The following ABTB3 variants were observed in gnomAD, a reference collection of about 807,000 sequenced individuals.
The protein encoded by ABTB3 is ankyrin repeat and BTB domain containing 3.
the ABTB3 span, among the ~76,000 whole-genome samples, chr12:107,634,304 C>T: frequency 6.6e-6 from 1 of 152,170 alleles, no homozygotes; most frequent in Non-Finnish European, 1.5e-5. Context: ...AAAAGCAATG[C>T]TTGTTTCTTG....
At chr12:107,597,832 A>G in the ABTB3 span, among the ~76,000 whole-genome samples, 1 of 152,196 alleles carries the variant, frequency 6.6e-6, no homozygotes, top group Admixed American at 6.5e-5. Flanking sequence ...TTGCTTTGCA[A>G]TTCCTTGAAA....
At chr12:107,644,945 G>A in the ABTB3 span, among the ~76,000 whole-genome samples, 149 of 149,822 alleles carry the variant, frequency 9.9e-4, 2 homozygotes, top group African/African-American at 3.4e-3. Flanking sequence ...AGTATTCCAT[G>A]GCACATATGC....
chr12:107,648,249 C>G, the ABTB3 span, among the ~76,000 whole-genome samples: 1 of 151,916 alleles, frequency 6.6e-6, no homozygotes, highest in Non-Finnish European at 1.5e-5. Flanking sequence ...GGCGTGGCAG[C>G]GTGCACCTGT....
At chr12:107,474,966 G>C in the ABTB3 span, among the ~76,000 whole-genome samples, 2 of 152,084 alleles carry the variant, frequency 1.3e-5, no homozygotes, top group African/African-American at 4.8e-5. Context: ...CATCAAAAAG[G>C]GGCTGAGCTC....
chr12:107,450,647 G>A, the ABTB3 span, among the ~76,000 whole-genome samples: 1 of 152,158 alleles, frequency 6.6e-6, no homozygotes, highest in African/African-American at 2.4e-5. Context: ...GTCCAGGTTT[G>A]TCGACAAACT....
At chr12:107,325,086 A>G in the ABTB3 span, among the ~76,000 whole-genome samples, 2 of 152,244 alleles carry the variant, frequency 1.3e-5, no homozygotes, top group African/African-American at 4.8e-5. Context: ...GCTTCCTCAA[A>G]AAACAGATTA....
chr12:107,462,842 GATA>G, the ABTB3 span, among the ~76,000 whole-genome samples: 6 of 151,864 alleles, frequency 4.0e-5, no homozygotes, highest in African/African-American at 1.5e-4. Flanking sequence ...TGGTGGTGAT[GATA>G]ATAGTAGTGA....
the ABTB3 span, among the ~76,000 whole-genome samples, chr12:107,628,060 C>T: frequency 1.3e-5 from 2 of 152,266 alleles, no homozygotes; most frequent in African/African-American, 4.8e-5. Context: ...CACCTGCCTC[C>T]ACCTTTCCAG....
chr12:107,571,414 G>C, the ABTB3 span, among the ~76,000 whole-genome samples: 3 of 152,238 alleles, frequency 2.0e-5, no homozygotes, highest in African/African-American at 4.8e-5. Flanking sequence ...GTAAGGCTGT[G>C]TGCTGCCTTT....
the ABTB3 span, among the ~76,000 whole-genome samples, chr12:107,381,180 C>T: frequency 1.2e-4 from 18 of 152,084 alleles, no homozygotes; most frequent in African/African-American, 4.8e-5. Context: ...TGGTCTGTTT[C>T]CTCTATTAGA....
the ABTB3 span, among the ~76,000 whole-genome samples, chr12:107,491,842 A>C: frequency 6.6e-6 from 1 of 151,138 alleles, no homozygotes; most frequent in Admixed American, 6.6e-5. Context: ...AAAAAAAAAA[A>C]CCCGGTTGAA....
the ABTB3 span, among the ~76,000 whole-genome samples, chr12:107,368,228 A>G: frequency 1.3e-5 from 2 of 152,206 alleles, no homozygotes; most frequent in African/African-American, 4.8e-5. Context: ...CCACCATTCA[A>G]CACGGCAGAG....
chr12:107,395,827 C>T, the ABTB3 span, among the ~76,000 whole-genome samples: 1 of 152,226 alleles, frequency 6.6e-6, no homozygotes, highest in African/African-American at 2.4e-5. Flanking sequence ...GGAGCCAAGG[C>T]ACAGAGAAAA....
the ABTB3 span, among the ~76,000 whole-genome samples, chr12:107,607,732 C>G: frequency 6.6e-6 from 1 of 152,178 alleles, no homozygotes; most frequent in Non-Finnish European, 1.5e-5. Flanking sequence ...TGTCTTGCAT[C>G]TAGAGCCAAA....
the ABTB3 span, among the ~76,000 whole-genome samples, chr12:107,351,619 TA>T: frequency 1.1e-4 from 16 of 152,176 alleles, no homozygotes; most frequent in African/African-American, 3.9e-4. Context: ...GGGTTCCTGA[TA>T]AAAGGTTGAG....
At chr12:107,381,523 C>T in the ABTB3 span, among the ~76,000 whole-genome samples, 4 of 152,218 alleles carry the variant, frequency 2.6e-5, no homozygotes, top group Non-Finnish European at 5.9e-5. Context: ...CGGGTAGGAA[C>T]AGCAAGGGCA....
the ABTB3 span, among the ~76,000 whole-genome samples, chr12:107,388,267 C>T: frequency 5.3e-5 from 8 of 152,110 alleles, no homozygotes; most frequent in Non-Finnish European, 1.0e-4. Context: ...CCACCGCACC[C>T]GGCCCTTCTT....
At chr12:107,424,839 C>T in the ABTB3 span, among the ~76,000 whole-genome samples, 1 of 152,288 alleles carries the variant, frequency 6.6e-6, no homozygotes, top group South Asian at 2.1e-4. Flanking sequence ...TGAACTCCTG[C>T]ATATCTGCCA....
the ABTB3 span, among the ~76,000 whole-genome samples, chr12:107,470,862 G>A: frequency 4.6e-5 from 7 of 152,142 alleles, no homozygotes; most frequent in African/African-American, 7.2e-5. Context: ...GGGCCAGCCC[G>A]ACACCTCACC....
Sources: gnomAD v4.1 joint callset for allele counts (sites outside exome capture counted in the v4.1 genomes callset) on GRCh38, gnomAD v4.1.1 for gene constraint, MANE v1.5 for transcripts, NCBI Gene and HGNC (gene_info 2026-07-23, HGNC 2026-07-21) for gene names.